The following NME7 variants were observed in gnomAD, a reference collection of about 807,000 sequenced individuals.
NME7 encodes the protein NME/NM23 family member 7, also known as nucleoside diphosphate kinase 7.
In NME7, 41 loss-of-function variants were observed where a neutral mutation model predicts 49.1. The observed-to-expected ratio is 0.83, with a 90% CI of 0.65 to 1.08. NME7 has a LOEUF of 1.08. NME7 is among the 50% of genes least tolerant of loss of function. NME7 has a pLI of 0.00. For missense variants in NME7, 423 were observed against 463.4 expected (o/e 0.91, Z 0.80); for synonymous variants, 139 against 150.6 (o/e 0.92, Z 0.56).
At chr1:169,169,382 T>A in intron 11 of NME7, 65 bp downstream of exon 11, 1 of 1,427,844 alleles carries the variant, frequency 7.0e-7, no homozygotes, top group Non-Finnish European at 9.7e-7. Flanking sequence ...TTCTTACACA[T>A]CAGAACTCCT....
At chr1:169,201,312 C>T (rs1660544512) in intron 10 of NME7, among the ~76,000 whole-genome samples, 1 of 152,096 alleles carries the variant, frequency 6.6e-6, no homozygotes, top group South Asian at 2.1e-4. Context: ...AAAGTGTTGT[C>T]TGAGGAGTTT....
At chr1:169,185,631 G>C (rs1226727523) in intron 10 of NME7, among the ~76,000 whole-genome samples, 1 of 152,122 alleles carries the variant, frequency 6.6e-6, no homozygotes, top group Non-Finnish European at 1.5e-5. Context: ...TCCATAGCTA[G>C]AGTTAATAAA....
chr1:169,273,211 C>A (rs1358239651), intron 7 of NME7, among the ~76,000 whole-genome samples: 1 of 131,716 alleles, frequency 7.6e-6, no homozygotes, highest in Admixed American at 7.5e-5. Flanking sequence ...CCTCCCCTAG[C>A]CTCCCACCCC....
chr1:169,261,939 CT>C (rs1343214629), intron 7 of NME7, among the ~76,000 whole-genome samples: 1 of 134,042 alleles, frequency 7.5e-6, no homozygotes, highest in Non-Finnish European at 1.8e-5. Context: ...AGGTTCTAGT[CT>C]CACGTCCCAA....
chr1:169,172,323 C>CGTGTGTGTGT (rs200830717), intron 10 of NME7, among the ~76,000 whole-genome samples: 279 of 127,780 alleles, frequency 2.2e-3, no homozygotes, highest in African/African-American at 5.7e-3. Flanking sequence ...CAAAAACATA[C>CGTGTGTGTGT]GTGTGTGTGT....
intron 1 of NME7, among the ~76,000 whole-genome samples, chr1:169,330,660 A>G (rs1652220755): frequency 6.6e-6 from 1 of 152,300 alleles, no homozygotes; most frequent in African/African-American, 2.4e-5. Flanking sequence ...GTCTGGTGAC[A>G]GAGCAAGACT....
In NME7 at chr1:169,286,285, T is replaced by C. The variant is rs553242521; in HGVS notation, c.754+1018A>G. The C allele has an allele frequency of 2.0e-5, 3 of 152,258 alleles. No individual in the cohort carries two copies. In the South Asian group the frequency reaches 6.2e-4, roughly 32 times the overall value. The allele number at this position is 152,258 out of a possible 1,614,324, so 9.4% of individuals were successfully genotyped here. On this transcript the variant is annotated intron_variant, in intron 7 of 11. Coordinates refer to ENST00000367811, the MANE Select transcript of NME7 (RefSeq NM_013330.5). ...GGGAATTCAGTATTTTTTTACTTCA[T>C]TTTTAATGGTTTTTTATTTCCAATT... is the stretch of plus-strand genomic sequence containing the variant.
At chr1:169,159,973 C>T (rs1659196616) in intron 11 of NME7, among the ~76,000 whole-genome samples, 1 of 152,156 alleles carries the variant, frequency 6.6e-6, no homozygotes, top group Non-Finnish European at 1.5e-5. Flanking sequence ...AACATGAAAG[C>T]TTCTCTCAGT....
intron 10 of NME7, among the ~76,000 whole-genome samples, chr1:169,213,071 T>C (rs1422944646): frequency 6.6e-6 from 1 of 152,174 alleles, no homozygotes; most frequent in East Asian, 1.9e-4. Flanking sequence ...TGCTGTGATG[T>C]GCCTTATAAA....
At chr1:169,148,199 T>C (rs1408240324) in intron 11 of NME7, among the ~76,000 whole-genome samples, 1 of 152,104 alleles carries the variant, frequency 6.6e-6, no homozygotes, top group Non-Finnish European at 1.5e-5. Flanking sequence ...GCCAAGATTT[T>C]GCCACGTTGG....
chr1:169,229,694 C>T (rs1020547954), intron 10 of NME7, among the ~76,000 whole-genome samples: 1 of 152,172 alleles, frequency 6.6e-6, no homozygotes, highest in African/African-American at 2.4e-5. Flanking sequence ...GGCATAGCGG[C>T]TCATGCCTGT....
chr1:169,212,712 C>T (rs909139120), intron 10 of NME7, among the ~76,000 whole-genome samples: 1 of 150,656 alleles, frequency 6.6e-6, no homozygotes, highest in East Asian at 2.0e-4. Context: ...AGTGATTCTT[C>T]CATCTTAGCC....
At position 169,214,783 on chromosome 1, in the gene NME7, C is replaced by T. The variant is rs771834169; in HGVS notation, c.990+15935G>A. Among the ~76,000 whole-genome samples, 62 of 152,226 alleles carry T rather than the reference C, an allele frequency of 4.1e-4. 1 individual carries two copies. The highest frequency in any genetic ancestry group is 2.1e-4 in the Non-Finnish European group (14 of 68,044). ...AGGAACCAGCTGGCCACTTTGGCAC[C>T]GGCAGAAGCAAACTCCATGCAGGCC... On this transcript the variant is annotated intron_variant, in intron 10 of 11. Coordinates refer to ENST00000367811, the MANE Select transcript of NME7 (RefSeq NM_013330.5).
chr1:169,329,464 T>A (rs141447081), intron 1 of NME7, among the ~76,000 whole-genome samples: 1 of 145,600 alleles, frequency 6.9e-6, no homozygotes, highest in African/African-American at 2.5e-5. Context: ...GAGAAGAAAT[T>A]CAGAATTCCA....
chr1:169,144,623 A>C (rs1416312680), intron 11 of NME7, among the ~76,000 whole-genome samples: 1 of 152,168 alleles, frequency 6.6e-6, no homozygotes, highest in African/African-American at 2.4e-5. Flanking sequence ...AGAATGTTAA[A>C]TTCTTTGAGA....
chr1:169,227,067 T>A (rs374663585), intron 10 of NME7, among the ~76,000 whole-genome samples: 115 of 152,222 alleles, frequency 7.6e-4, no homozygotes, highest in African/African-American at 2.6e-3. Flanking sequence ...GACCCAGGAG[T>A]GAGCCTTGCA....
intron 1 of NME7, among the ~76,000 whole-genome samples, chr1:169,339,748 G>T (rs902762317): frequency 1.3e-5 from 2 of 152,136 alleles, no homozygotes; most frequent in Admixed American, 6.5e-5. Flanking sequence ...CTGGTCAGCT[G>T]ACCTCCATGA....
At chr1:169,279,270 G>T (rs1649893848) in intron 7 of NME7, among the ~76,000 whole-genome samples, 1 of 152,198 alleles carries the variant, frequency 6.6e-6, no homozygotes, top group Non-Finnish European at 1.5e-5. Flanking sequence ...CTTTTTGTTT[G>T]TCTGTGCTCT....
At chr1:169,283,998 T>C (rs914379136) in intron 7 of NME7, 1 of 152,228 alleles carries the variant, frequency 6.6e-6, no homozygotes, top group African/African-American at 2.4e-5. Context: ...TGGTCTGTTT[T>C]GCTAGTTTGG....
Sources: allele counts gnomAD v4.1 joint callset (sites outside exome capture counted in the v4.1 genomes callset), GRCh38; gene constraint gnomAD v4.1.1; transcripts MANE v1.5; gene names NCBI Gene and HGNC (gene_info 2026-07-23, HGNC 2026-07-21).